The following PTPRQ variants were observed in gnomAD, a reference collection of about 807,000 sequenced individuals.
PTPRQ encodes the protein phosphatidylinositol phosphatase PTPRQ.
A neutral mutation model predicts 246.0 loss-of-function variants in PTPRQ; 199 were observed. The observed-to-expected ratio is 0.81, with a 90% CI of 0.72 to 0.91. PTPRQ has a LOEUF of 0.91. Among genes scored for constraint, PTPRQ ranks in the 40% least tolerant of loss-of-function variants. PTPRQ has a pLI of 0.00. For missense variants in PTPRQ, 2,624 were observed against 2,528.4 expected (o/e 1.04, Z -0.81); for synonymous variants, 869 against 853.2 (o/e 1.02, Z -0.32).
intron 33 of PTPRQ, among the ~76,000 whole-genome samples, chr12:80,627,230 G>A (rs1013710754): frequency 2.6e-5 from 4 of 151,644 alleles, no homozygotes; most frequent in Non-Finnish European, 5.9e-5. Context: ...TTATGGAATT[G>A]AGTAACTTTT....
At chr12:80,667,528 A>G (rs1900825243) in intron 39 of PTPRQ, among the ~76,000 whole-genome samples, 1 of 151,946 alleles carries the variant, frequency 6.6e-6, no homozygotes, top group Non-Finnish European at 1.5e-5. Flanking sequence ...ACATTAATAG[A>G]CAATGTCTAT....
intron 8 of PTPRQ, among the ~76,000 whole-genome samples, chr12:80,482,270 G>A (rs993732448): frequency 1.3e-5 from 2 of 150,886 alleles, no homozygotes; most frequent in African/African-American, 2.4e-5. Context: ...AACAAGCAAT[G>A]GGGAAAGGAT....
chr12:80,616,354 C>A (rs971881710), intron 30 of PTPRQ, 88 bp downstream of exon 30: 6 of 1,268,942 alleles, frequency 4.7e-6, no homozygotes, highest in South Asian at 3.7e-5. Flanking sequence ...TGTAGACAAG[C>A]CTTTAAGTGA....
intron 37 of PTPRQ, among the ~76,000 whole-genome samples, chr12:80,650,671 C>T (rs941175174): frequency 6.6e-6 from 1 of 151,888 alleles, no homozygotes; most frequent in African/African-American, 2.4e-5. Context: ...TTGGTCTGGA[C>T]TTAACAAAAT....
chr12:80,452,847 G>A (rs574483945), intron 3 of PTPRQ, among the ~76,000 whole-genome samples: 1 of 152,062 alleles, frequency 6.6e-6, no homozygotes, highest in Admixed American at 6.5e-5. Context: ...ATGTGTCTTG[G>A]AGTCGCTCTT....
At chr12:80,476,826 T>G (rs1453962856) in intron 8 of PTPRQ, among the ~76,000 whole-genome samples, 4 of 152,220 alleles carry the variant, frequency 2.6e-5, no homozygotes, top group Non-Finnish European at 4.4e-5. Flanking sequence ...TTATGCCATT[T>G]TCTCTTTCTT....
At chr12:80,521,401 C>T (rs1287261259) in intron 17 of PTPRQ, among the ~76,000 whole-genome samples, 1 of 152,028 alleles carries the variant, frequency 6.6e-6, no homozygotes, top group Non-Finnish European at 1.5e-5. Flanking sequence ...CTTTGGTTGC[C>T]ATTGCTTTTT....
At chr12:80,554,884 A>C (rs912836368) in intron 25 of PTPRQ, among the ~76,000 whole-genome samples, 1 of 152,030 alleles carries the variant, frequency 6.6e-6, no homozygotes, top group Admixed American at 6.6e-5. Flanking sequence ...CTAGGACTAC[A>C]TGTTTGCACC....
intron 32 of PTPRQ, among the ~76,000 whole-genome samples, 176 bp downstream of exon 32, chr12:80,620,552 C>T (rs919637943): frequency 6.6e-6 from 1 of 151,724 alleles, no homozygotes; most frequent in Non-Finnish European, 1.5e-5. Context: ...TTCTTACATT[C>T]CATAAACATA....
intron 4 of PTPRQ, 33 bp downstream of exon 4, chr12:80,457,677 T>C (rs1370408091): frequency 2.5e-6 from 1 of 399,992 alleles, no homozygotes; most frequent in Non-Finnish European, 4.4e-6. Flanking sequence ...TAAATTGACT[T>C]AGTCATGAGT....
intron 25 of PTPRQ, among the ~76,000 whole-genome samples, chr12:80,578,678 C>G (rs983455734): frequency 6.6e-6 from 1 of 152,124 alleles, no homozygotes; most frequent in African/African-American, 2.4e-5. Context: ...CAGGCCTGAG[C>G]CACCGCACCC....
chr12:80,593,099 A>T (rs1168140294), intron 26 of PTPRQ, among the ~76,000 whole-genome samples: 1 of 152,210 alleles, frequency 6.6e-6, no homozygotes, highest in African/African-American at 2.4e-5. Context: ...ACTAAACAAC[A>T]ATATAAAATA....
At chr12:80,558,299 C>T (rs1896721942) in intron 25 of PTPRQ, among the ~76,000 whole-genome samples, 1 of 151,822 alleles carries the variant, frequency 6.6e-6, no homozygotes, top group Non-Finnish European at 1.5e-5. Context: ...TCCCGAGTAG[C>T]TGGGACTACA....
chr12:80,447,804 T>G (rs1892599738), intron 3 of PTPRQ, among the ~76,000 whole-genome samples: 1 of 152,050 alleles, frequency 6.6e-6, no homozygotes, highest in Non-Finnish European at 1.5e-5. Context: ...TTACTATAGC[T>G]TTGTAGTATA....
chr12:80,598,919 G>A (rs1221038291), intron 26 of PTPRQ, among the ~76,000 whole-genome samples: 1 of 151,954 alleles, frequency 6.6e-6, no homozygotes, highest in African/African-American at 2.4e-5. Flanking sequence ...CCACTATTAA[G>A]TTAGACTTAC....
chr12:80,484,412 C>CT (rs1894202965), intron 8 of PTPRQ, 21 bp from the exon 9 acceptor site: 227 of 1,377,848 alleles, frequency 1.6e-4, no homozygotes, highest in Admixed American at 5.4e-4. Flanking sequence ...CTTTTCTTTT[C>CT]TTTCTTTCTT....
chr12:80,592,979 C>G (rs1030715906), intron 26 of PTPRQ, among the ~76,000 whole-genome samples: 1 of 151,986 alleles, frequency 6.6e-6, no homozygotes, highest in African/African-American at 2.4e-5. Context: ...CCACTGCACT[C>G]TAGCCTGGGT....
chr12:80,460,677 A>G lies in PTPRQ; in HGVS notation c.685A>G (p.Ser229Gly), dbSNP rs537607144. 948 of 398,770 alleles carry G rather than the reference A, an allele frequency of 2.4e-3. 4 individuals carry two copies. Among genetic ancestry groups the G allele is most frequent in the Non-Finnish European group, 3.8e-3 (869 of 226,092 alleles). The allele number at this position is 398,770 out of a possible 1,614,324, so 24.7% of individuals were successfully genotyped here. ...CNENSESFLW[S>G]TASPSPTLGR... ...GGAGAATAGTGAATCTTTTTTATGGAGTACAGCCAGCCCTTCTCCAACCCT... is the reference window on the plus strand; with the variant it reads ...GGAGAATAGTGAATCTTTTTTATGGGGTACAGCCAGCCCTTCTCCAACCCT... The change falls in exon 6 of 45, where the codon AGT becomes GGT. Residue 229 changes from serine (S) to glycine (G), a missense_variant. Physicochemically the swap from Ser to Gly is moderately conservative, Grantham distance 56. Coordinates refer to ENST00000644991, the MANE Select transcript of PTPRQ (RefSeq NM_001145026.2).
chr12:80,475,949 CATT>C (rs1893797177), intron 8 of PTPRQ, among the ~76,000 whole-genome samples: 1 of 151,940 alleles, frequency 6.6e-6, no homozygotes, highest in African/African-American at 2.4e-5. Context: ...ATATCTAACA[CATT>C]AGTGTGTTGC....
Sources: allele counts gnomAD v4.1 joint callset (sites outside exome capture counted in the v4.1 genomes callset), GRCh38; gene constraint gnomAD v4.1.1; transcripts MANE v1.5; gene names NCBI Gene and HGNC (gene_info 2026-07-23, HGNC 2026-07-21).